EXOC4: variants seen among roughly 807,000 people sequenced by gnomAD.
EXOC4 encodes the protein exocyst complex component 4.
A neutral mutation model predicts 107.2 loss-of-function variants in EXOC4; 71 were observed. That is an observed-to-expected ratio of 0.66 (90% CI 0.55 to 0.81). EXOC4 has a LOEUF of 0.81. Among genes scored for constraint, EXOC4 ranks in the 30% least tolerant of loss-of-function variants. The pLI is 0.00. For missense variants in EXOC4, 1,108 were observed against 1,189.6 expected (o/e 0.93, Z 1.01); for synonymous variants, 456 against 441.2 (o/e 1.03, Z -0.42).
intron 9 of EXOC4, among the ~76,000 whole-genome samples, chr7:133,610,549 T>A (rs1802053485): frequency 6.6e-6 from 1 of 152,200 alleles, no homozygotes; most frequent in Admixed American, 6.5e-5. Flanking sequence ...GCTTTTCACA[T>A]GTCACAAGAT....
intron 13 of EXOC4, among the ~76,000 whole-genome samples, chr7:133,919,210 C>T (rs1292931081): frequency 2.0e-5 from 3 of 152,136 alleles, no homozygotes; most frequent in African/African-American, 7.2e-5. Flanking sequence ...TCTCTCCCCA[C>T]CTTTATTTTT....
At chr7:133,884,615 G>GTT (rs2116464646) in intron 11 of EXOC4, among the ~76,000 whole-genome samples, 1 of 151,690 alleles carries the variant, frequency 6.6e-6, no homozygotes, top group Non-Finnish European at 1.5e-5. Flanking sequence ...GTGTGTGTGT[G>GTT]TGTGTGCGCG....
Position 133,836,675 on chromosome 7 carries a change from G to GT in EXOC4, c.1734+19140dup, listed in dbSNP as rs991630532. On this transcript the variant is annotated intron_variant, in intron 11 of 17. Coordinates refer to ENST00000253861, the MANE Select transcript of EXOC4 (RefSeq NM_021807.4). ...TTTATGGTTTTCAAAATTTCAGAGT[G>GT]TTTTTTTTTCCCCTTGCTGTCCAGA... Among the ~76,000 whole-genome samples, 11 of 151,200 alleles carry GT rather than the reference G, an allele frequency of 7.3e-5. No homozygotes were observed. In the Middle Eastern group the frequency reaches 0.01, roughly 142 times the overall value.
At chr7:133,661,689 CAAAA>C (rs869078453) in intron 10 of EXOC4, among the ~76,000 whole-genome samples, 10 of 23,626 alleles carry the variant, frequency 4.2e-4, no homozygotes, top group Non-Finnish European at 7.1e-4. Flanking sequence ...AAAAAAAAAA[CAAAA>C]AAAAAAAAAA....
At chr7:133,909,943 T>TTTTTA (rs1799653136) in intron 12 of EXOC4, among the ~76,000 whole-genome samples, 1 of 107,996 alleles carries the variant, frequency 9.3e-6, no homozygotes, top group African/African-American at 3.9e-5. Flanking sequence ...TTTTTTTTTT[T>TTTTTA]GAGGAGTTTT....
intron 7 of EXOC4, among the ~76,000 whole-genome samples, chr7:133,433,897 A>G (rs1357935961): frequency 6.6e-6 from 1 of 152,204 alleles, no homozygotes; most frequent in African/African-American, 2.4e-5. Flanking sequence ...GTTTCTAGGA[A>G]AATATAATGG....
intron 17 of EXOC4, among the ~76,000 whole-genome samples, chr7:134,027,858 T>C (rs1221540670): frequency 6.6e-6 from 1 of 152,148 alleles, no homozygotes; most frequent in Non-Finnish European, 1.5e-5. Flanking sequence ...TTCTAGCCCC[T>C]TCGTTTATCA....
rs543419271 is a variant in EXOC4 at position 133,466,452 on chromosome 7, G to A, written c.1183-8876G>A. On this transcript the variant is annotated intron_variant, in intron 7 of 17. Transcript: ENST00000253861. Reference sequence around the variant, plus strand: ...GACTACTATGATATGCCAATCAGACGATGTAGATGAAACAGACCAATTTCT... The same window carrying A: ...GACTACTATGATATGCCAATCAGACAATGTAGATGAAACAGACCAATTTCT... 9.9e-5 allele frequency among the ~76,000 whole-genome samples: 15 copies of A among 152,224 alleles called. No individual in the cohort carries two copies. In the East Asian group the frequency reaches 1.9e-3, roughly 20 times the overall value.
In EXOC4 at chr7:133,492,680, A is replaced by T. The variant is rs867339493; in HGVS notation, c.1417+12542A>T. Among the ~76,000 whole-genome samples, 32 of 151,798 alleles carry T rather than the reference A, an allele frequency of 2.1e-4. 1 individual carries two copies. Among genetic ancestry groups the T allele is most frequent in the African/African-American group, 7.7e-4 (32 of 41,324 alleles). On this transcript the variant is annotated intron_variant, in intron 9 of 17. Coordinates refer to ENST00000253861, the MANE Select transcript of EXOC4 (RefSeq NM_021807.4). ...TTTTCTAGGCTTTCGTTGATGTATT[A>T]GTTTTAGTGCCCACTTTAGTCTCTT...
chr7:133,497,631 A>G (rs1393696059), intron 9 of EXOC4, among the ~76,000 whole-genome samples: 2 of 152,114 alleles, frequency 1.3e-5, no homozygotes, highest in African/African-American at 4.8e-5. Context: ...GTGTTTCACC[A>G]TGCTGGCCAG....
intron 17 of EXOC4, among the ~76,000 whole-genome samples, chr7:134,029,426 G>A (rs546585514): frequency 6.6e-6 from 1 of 152,338 alleles, no homozygotes; most frequent in East Asian, 1.9e-4. Flanking sequence ...TTTAGGGCTG[G>A]ATGGAGAATA....
At chr7:133,909,014 T>A (rs1799628995) in intron 12 of EXOC4, among the ~76,000 whole-genome samples, 1 of 152,076 alleles carries the variant, frequency 6.6e-6, no homozygotes, top group Non-Finnish European at 1.5e-5. Flanking sequence ...CAGGCCCCAG[T>A]GTGTCATGTT....
intron 7 of EXOC4, among the ~76,000 whole-genome samples, chr7:133,449,561 G>T (rs1253709424): frequency 6.6e-6 from 1 of 152,076 alleles, no homozygotes; most frequent in African/African-American, 2.4e-5. Context: ...CACATTTAGT[G>T]TTACAGGAAG....
At chr7:133,852,750 G>T (rs1388507903) in intron 11 of EXOC4, among the ~76,000 whole-genome samples, 1 of 152,126 alleles carries the variant, frequency 6.6e-6, no homozygotes, top group African/African-American at 2.4e-5. Context: ...TGTCCTTGGG[G>T]TGGAGATTGG....
chr7:133,860,749 A>G (rs1395173965), intron 11 of EXOC4, among the ~76,000 whole-genome samples: 1 of 152,208 alleles, frequency 6.6e-6, no homozygotes, highest in African/African-American at 2.4e-5. Context: ...AAACCTATGA[A>G]CTAATAATAA....
intron 11 of EXOC4, among the ~76,000 whole-genome samples, chr7:133,822,001 T>A (rs1229789407): frequency 6.6e-6 from 1 of 152,222 alleles, no homozygotes; most frequent in Non-Finnish European, 1.5e-5. Context: ...AATTAAAATG[T>A]CACAGTTCTT....
rs112811792 is a variant in EXOC4 at position 133,318,028 on chromosome 7, A to C, written c.763+638A>C. On this transcript the variant is annotated intron_variant, in intron 5 of 17. Transcript: ENST00000253861. ...GAGCATATGCTTTCCATTGTGCTAT[A>C]ATCTTTACTACTCCTAGTAGCTTTT... Among the ~76,000 whole-genome samples the C allele has an allele frequency of 3.2e-4, 49 of 152,276 alleles. 1 individual carries two copies. Among genetic ancestry groups the C allele is most frequent in the Non-Finnish European group, 6.2e-4 (42 of 68,014 alleles).
Position 133,646,081 on chromosome 7 carries a change from A to G in EXOC4, c.1514+15940A>G, listed in dbSNP as rs538030402. The stretch of plus-strand genomic sequence containing the variant: ...AGCATACATATCAGAGGAGCCTCCT[A>G]TGTGAGACATTTGTTTAACGTTGCC... On this transcript the variant is annotated intron_variant, in intron 10 of 17. Coordinates refer to ENST00000253861, the MANE Select transcript of EXOC4 (RefSeq NM_021807.4). 2.6e-5 allele frequency among the ~76,000 whole-genome samples: 4 copies of G among 152,198 alleles called. No individual in the cohort carries two copies. In the South Asian group the frequency reaches 8.3e-4, roughly 32 times the overall value.
chr7:133,459,753 A>T (rs1310850084), intron 7 of EXOC4, among the ~76,000 whole-genome samples: 2 of 152,206 alleles, frequency 1.3e-5, no homozygotes, highest in East Asian at 3.9e-4. Flanking sequence ...TACTTTATGT[A>T]TGCAGGACAC....
Sources: gnomAD v4.1 joint callset for allele counts (sites outside exome capture counted in the v4.1 genomes callset) on GRCh38, gnomAD v4.1.1 for gene constraint, MANE v1.5 for transcripts, NCBI Gene and HGNC (gene_info 2026-07-23, HGNC 2026-07-21) for gene names.